FN1: variants seen among roughly 807,000 people sequenced by gnomAD.
The protein encoded by FN1 is fibronectin 1.
In FN1, 106 loss-of-function variants were observed where a neutral mutation model predicts 297.3. The ratio of observed to expected loss-of-function variants is 0.36; its 90% confidence interval spans 0.30 to 0.42. FN1 has a LOEUF of 0.42. FN1 is among the 10% of genes least tolerant of loss of function. The probability of loss-of-function intolerance (pLI) is 1.00; values close to 1 mark genes in which losing one functional copy is unlikely to be tolerated. For synonymous variants in FN1, 1,149 were observed against 1,152.6 expected (o/e 1.00, Z 0.06); for missense variants, 2,690 against 3,124.9 (o/e 0.86, Z 3.32).
chr2:215,383,478 C>T lies in FN1; in HGVS notation c.4900G>A (p.Asp1634Asn). ...GTCACTTGCATCTGGGATGGTTTGT[C>T]AATTTCTACAAATAAAAGCAGGGAG... Reference protein sequence around the residue: ...PISINYRTEIDKPSQMQVTDV... With the variant: ...PISINYRTEINKPSQMQVTDV... Residue 1634 changes from aspartate to asparagine, a missense_variant, in exon 31 of 46, where the codon GAC becomes AAC. By Grantham distance (23) the Asp-to-Asn change is conservative. Around this residue, in one of 3 missense-constraint regions of FN1, gnomAD observed 1,743 missense variants for 1,945.2 expected, o/e 0.90. Coordinates refer to ENST00000354785, the MANE Select transcript of FN1 (RefSeq NM_212482.4). 2 of 1,614,122 alleles carry T rather than the reference C, an allele frequency of 1.2e-6. No homozygotes were observed. Among genetic ancestry groups the T allele is most frequent in the South Asian group, 1.1e-5 (1 of 91,072 alleles).
rs1417520133 is a variant in FN1 at position 215,380,842 on chromosome 2, C to T, written c.5403G>A (p.Glu1801=). 6.2e-7 allele frequency: 1 copy of T among 1,613,556 alleles called. No individual in the cohort carries two copies. Among genetic ancestry groups the T allele is most frequent in the African/African-American group, 1.3e-5 (1 of 74,916 alleles). The change falls in exon 33 of 46, where the codon GAG becomes GAA. Residue 1801 remains glutamate (E), a synonymous_variant. Transcript: ENST00000354785. ...ACTGGGTTCCAATCAGGGGCTGGCTCTCCATATCATCGTGCAAGGCAACCA... is the reference window on the plus strand; with the variant it reads ...ACTGGGTTCCAATCAGGGGCTGGCTTTCCATATCATCGTGCAAGGCAACCA... The part of the protein sequence containing the change: ...VSVVALHDDM[E]SQPLIGTQST...
At chr2:215,377,411 T>C (rs1162471414) in intron 35 of FN1, among the ~76,000 whole-genome samples, 2 of 152,154 alleles carry the variant, frequency 1.3e-5, no homozygotes, top group Admixed American at 1.3e-4. Context: ...TGGTGCCCTC[T>C]TTATGACAGT....
chr2:215,401,247 A>G (rs373019244), intron 20 of FN1, among the ~76,000 whole-genome samples: 23,643 of 77,052 alleles, frequency 0.31, 4,378 homozygotes, highest in Non-Finnish European at 0.37. Context: ...AGAAAGAAAG[A>G]AAGGAAGAAA....
rs559516647 is a variant in FN1, at chr2:215,365,966, ATTTTTTTTTTTT to A, written c.7019-348_7019-337del. ...GATTACAGGCACTCCCCACAGTGCTATTTTTTTTTTTTTTTTTTTTTTTGTATTTTTTGTAGA... is the reference window on the plus strand; with the variant it reads ...GATTACAGGCACTCCCCACAGTGCTATTTTTTTTTTTGTATTTTTTGTAGA... On this transcript the variant is annotated intron_variant, in intron 42 of 45. Transcript: ENST00000354785. Among the ~76,000 whole-genome samples, 337 of 90,348 alleles carry A rather than the reference ATTTTTTTTTTTT, an allele frequency of 3.7e-3. 2 individuals are homozygous for A. Among genetic ancestry groups the A allele is most frequent in the African/African-American group, 0.014 (306 of 21,208 alleles). The allele number at this position is 90,348 out of a possible 152,430, so 59.3% of individuals were successfully genotyped here. A position where few individuals can be genotyped will look rare whatever the true frequency, so the allele number is the denominator to read the frequency against.
Position 215,406,380 on chromosome 2 carries a change from G to T in FN1, c.2844C>A (p.Gly948=), listed in dbSNP as rs777668406. 3 of 1,614,176 alleles carry T rather than the reference G, an allele frequency of 1.9e-6. No homozygotes were observed. Among genetic ancestry groups the T allele is most frequent in the Non-Finnish European group, 1.7e-6 (2 of 1,180,042 alleles). Residue 948 remains glycine, a synonymous_variant, in exon 19 of 46, where the codon GGC becomes GGA. Transcript: ENST00000354785. ...RVDVIPVNLP[G]EHGQRLPISR... Reference sequence around the variant, plus strand: ...TGATGGGCAGCCTCTGCCCGTGCTCGCCAGGCAGGTTGACGGGGATCACAT... The same window carrying T: ...TGATGGGCAGCCTCTGCCCGTGCTCTCCAGGCAGGTTGACGGGGATCACAT...
Position 215,379,603 on chromosome 2 carries a change from T to TA in FN1, c.5435-287dup, listed in dbSNP as rs777515297. ...AGGTTTTACAAGTTTTGCTTTCCCT[T>TA]AAAAAAAAAAGTTACATTGGCTTAT... On this transcript the variant is annotated intron_variant, in intron 33 of 45. Transcript: ENST00000354785. The TA allele has an allele frequency of 0.013, 3,563 of 280,772 alleles. 1 individual carries two copies. The highest frequency in any genetic ancestry group is 0.026 in the Middle Eastern group (23 of 870). The allele number at this position is 280,772 out of a possible 1,614,324, so 17.4% of individuals were successfully genotyped here.
At chr2:215,424,546 A>G (rs924548740) in intron 7 of FN1, among the ~76,000 whole-genome samples, 8 of 151,404 alleles carry the variant, frequency 5.3e-5, no homozygotes. Context: ...GATGTCCTTC[A>G]TGACCACTTC....
intron 20 of FN1, among the ~76,000 whole-genome samples, chr2:215,403,968 C>T (rs1415618248): frequency 6.6e-6 from 1 of 152,162 alleles, no homozygotes; most frequent in Non-Finnish European, 1.5e-5. Context: ...TTTTTTCTTG[C>T]GTTAACTAGT....
At chr2:215,404,802 A>G in intron 19 of FN1, 147 bp from the exon 20 acceptor site, 1 of 771,156 alleles carries the variant, frequency 1.3e-6, no homozygotes, top group Admixed American at 2.2e-5. Context: ...CTGAGCCAGT[A>G]AGAGATTGAG....
Position 215,379,193 on chromosome 2 carries a change from G to A in FN1, c.5559C>T (p.Thr1853=), listed in dbSNP as rs747255316. Residue 1853 remains threonine, a synonymous_variant, in exon 34 of 46, where the codon ACC becomes ACT. Coordinates refer to ENST00000354785, the MANE Select transcript of FN1 (RefSeq NM_212482.4). ...YRVRVTPKEK[T]GPMKEINLAP... ...CAAGGTTGATTTCTTTCATTGGTCC[G>A]GTCTTCTCCTTGGGGGTCACCCGCA... The A allele has an allele frequency of 4.1e-5, 66 of 1,613,860 alleles. No individual in the cohort carries two copies. The highest frequency in any genetic ancestry group is 1.6e-4 in the Middle Eastern group (1 of 6,084).
At chr2:215,382,833 T>C (rs987817247) in intron 31 of FN1, among the ~76,000 whole-genome samples, 16 of 152,104 alleles carry the variant, frequency 1.1e-4, no homozygotes, top group Non-Finnish European at 1.8e-4. Context: ...AGACTTCTAC[T>C]GTGAAAAGGG....
rs1446711913 is a variant in FN1, at chr2:215,386,812, C to A, written c.4489G>T (p.Val1497Leu). ...HFSGRPREDR[V>L]PHSRNSITLT... ...GTGATGGAATTCCGAGAGTGGGGCA[C>A]CCGATCTTCTCGAGGTCTCCCACTG... Residue 1497 changes from valine (V) to leucine (L), a missense_variant, in exon 28 of 46, where the codon GTG becomes TTG. This residue lies in a region of FN1 where 1,743 missense variants were observed against 1,945.2 expected (regional missense o/e 0.90). Transcript: ENST00000354785. 1 of 1,613,706 alleles carries A rather than the reference C, an allele frequency of 6.2e-7. No individual in the cohort carries two copies. Among genetic ancestry groups the A allele is most frequent in the Non-Finnish European group, 8.5e-7 (1 of 1,179,964 alleles).
chr2:215,420,902 T>C (rs929944813), intron 10 of FN1, 101 bp from the exon 11 acceptor site: 1 of 1,020,106 alleles, frequency 9.8e-7, no homozygotes, highest in African/African-American at 1.6e-5. Flanking sequence ...TCCACTTAAT[T>C]ATCAACACCT....
At chr2:215,365,430 T>C in intron 43 of FN1, 75 bp downstream of exon 43, 2 of 1,480,068 alleles carry the variant, frequency 1.4e-6, no homozygotes, top group South Asian at 1.1e-5. Context: ...ATCATTTCTG[T>C]GAATGAGAGT....
In FN1 at chr2:215,423,293, A is replaced by G. The variant is rs527416640; in HGVS notation, c.1393+57T>C. ...GGGAGTAAACTGGACACTAGTCTTT[A>G]GTCTCTACTCCCTAAATTGTTGTCA... On this transcript the variant is annotated intron_variant, in intron 9 of 45. Transcript: ENST00000354785. 7 of 1,565,802 alleles carry G rather than the reference A, an allele frequency of 4.5e-6. No individual in the cohort carries two copies. In the African/African-American group the frequency reaches 5.4e-5, roughly 12 times the overall value.
intron 2 of FN1, 64 bp from the exon 3 acceptor site, chr2:215,433,525 C>T (rs1269779029): frequency 1.6e-5 from 24 of 1,539,428 alleles, no homozygotes; most frequent in Non-Finnish European, 2.1e-5. Context: ...GTTCACTAAT[C>T]CCCTCTAAAG....
rs982045245 is a variant in FN1 at position 215,421,170 on chromosome 2, TAAG to T, written c.1547-372_1547-370del. The stretch of plus-strand genomic sequence containing the variant: ...TTAAATATCTGCTTGTTAGGATAAA[TAAG>T]AAGAAGATTAAACATATTTATCTAA... On this transcript the variant is annotated intron_variant, in intron 10 of 45. Transcript: ENST00000354785. 5.3e-5 allele frequency: 17 copies of T among 323,204 alleles called. 1 individual carries two copies. The highest frequency in any genetic ancestry group is 8.8e-5 in the Admixed American group (2 of 22,600). 20.0% of individuals were successfully genotyped at this position (323,204 alleles called of 1,614,324 possible). A position where few individuals can be genotyped will look rare whatever the true frequency, so the allele number is the denominator to read the frequency against.
chr2:215,397,817 G>C lies in FN1; in HGVS notation c.3380C>G (p.Ala1127Gly), dbSNP rs1437639413. 15 of 1,614,012 alleles carry C rather than the reference G, an allele frequency of 9.3e-6. No homozygotes were observed. The highest frequency in any genetic ancestry group is 1.1e-5 in the Non-Finnish European group (13 of 1,180,002). The change falls in exon 22 of 46, where the codon GCA becomes GGA. Residue 1127 changes from alanine to glycine, a missense_variant. Physicochemically the swap from Ala to Gly is moderately conservative, Grantham distance 60. Coordinates refer to ENST00000354785, the MANE Select transcript of FN1 (RefSeq NM_212482.4). Reference sequence around the variant, plus strand: ...TGAGTCTGAAGTCACTTCTCGTGGTGCCTCTCCTCCCTGGCTTGGTCGTAC... The same window carrying C: ...TGAGTCTGAAGTCACTTCTCGTGGTCCCTCTCCTCCCTGGCTTGGTCGTAC... ...LGVRPSQGGE[A>G]PREVTSDSGS...
chr2:215,383,973 A>G (rs2058565736), intron 30 of FN1, 47 bp downstream of exon 30: 3 of 1,584,308 alleles, frequency 1.9e-6, no homozygotes, highest in East Asian at 2.4e-5. Context: ...GCAAAACAGT[A>G]TCTGAATAAG....
Sources: gnomAD v4.1 joint callset for allele counts (sites outside exome capture counted in the v4.1 genomes callset) on GRCh38, gnomAD v4.1.1 for gene constraint, gnomAD v4.1.1 regional missense constraint, MANE v1.5 for transcripts, NCBI Gene and HGNC (gene_info 2026-07-23, HGNC 2026-07-21) for gene names.